The following COMMD1 variants were observed in gnomAD, a reference collection of about 807,000 sequenced individuals.
COMMD1 encodes copper metabolism domain containing 1.
COMMD1 carries 10 observed loss-of-function variants against 17.2 expected under a neutral mutation model. The ratio of observed to expected loss-of-function variants is 0.58; its 90% confidence interval spans 0.36 to 0.99. The LOEUF (loss-of-function observed/expected upper bound fraction) is 0.99. COMMD1 is among the 50% of genes least tolerant of loss of function. The pLI is 0.01. For missense variants in COMMD1, 270 were observed against 231.8 expected, an observed-to-expected ratio of 1.17 and a Z score of -1.07; for synonymous variants, 97 against 91.6, an observed-to-expected ratio of 1.06 and a Z score of -0.34.
rs1553367041 is a variant in COMMD1, at chr2:61,913,816, A to AGAG, written c.180+7958_180+7959insGAG. 1.0e-4 allele frequency among the ~76,000 whole-genome samples: 10 copies of AGAG among 100,196 alleles called. 1 individual carries two copies. The highest frequency in any genetic ancestry group is 1.9e-4 in the Non-Finnish European group (10 of 53,434). 65.7% of individuals were successfully genotyped at this position (100,196 alleles called of 152,430 possible). ...ATCTCCAAAAAAAAAAAAAAAAAAA[A>AGAG]AGAAAAGTGTGTTAACCTCTGTTCC... is the stretch of plus-strand genomic sequence containing the variant. On this transcript the variant is annotated intron_variant, in intron 1 of 2. Coordinates refer to ENST00000311832, the MANE Select transcript of COMMD1 (RefSeq NM_152516.4).
chr2:62,077,139 T>A (rs1367006215), intron 2 of COMMD1, among the ~76,000 whole-genome samples: 1 of 151,968 alleles, frequency 6.6e-6, no homozygotes, highest in Non-Finnish European at 1.5e-5. Flanking sequence ...TGAAAAAAAA[T>A]AATTATTAGA....
chr2:61,979,687 G>GT, intron 1 of COMMD1, among the ~76,000 whole-genome samples: 1 of 152,024 alleles, frequency 6.6e-6, no homozygotes, highest in South Asian at 2.1e-4. Context: ...GTGTACAAGG[G>GT]TTCCCTTTTC....
At chr2:61,994,080 G>C (rs1420299370) in intron 1 of COMMD1, among the ~76,000 whole-genome samples, 2 of 152,006 alleles carry the variant, frequency 1.3e-5, no homozygotes, top group East Asian at 3.9e-4. Flanking sequence ...TTCGCCTCCC[G>C]GGTTCAAGCG....
At chr2:62,057,898 G>A (rs148910777) in intron 2 of COMMD1, among the ~76,000 whole-genome samples, 272 of 152,026 alleles carry the variant, frequency 1.8e-3, no homozygotes, top group African/African-American at 5.8e-3. Context: ...TAATTTCATG[G>A]TTTCTTCTTG....
intron 1 of COMMD1, among the ~76,000 whole-genome samples, chr2:61,934,565 AT>A (rs1019860095): frequency 1.3e-5 from 2 of 152,050 alleles, no homozygotes; most frequent in African/African-American, 4.8e-5. Flanking sequence ...TCAAAAAAAA[AT>A]TTTTTTTATA....
At chr2:62,135,578 C>T (rs1673171428) in intron 2 of COMMD1, among the ~76,000 whole-genome samples, 1 of 152,096 alleles carries the variant, frequency 6.6e-6, no homozygotes, top group African/African-American at 2.4e-5. Context: ...GTCTCGATCT[C>T]CTGACCTTGT....
intron 1 of COMMD1, among the ~76,000 whole-genome samples, chr2:61,900,167 C>T (rs1165746351): frequency 6.6e-6 from 1 of 152,160 alleles, no homozygotes; most frequent in Non-Finnish European, 1.5e-5. Flanking sequence ...GTAAGTGGTC[C>T]TGAGGTGGTC....
At chr2:61,892,634 C>T (rs535770172) in intron 1 of COMMD1, among the ~76,000 whole-genome samples, 6 of 146,996 alleles carry the variant, frequency 4.1e-5, no homozygotes, top group East Asian at 4.0e-4. Context: ...GTGGAGGTTG[C>T]GGTGAGCCGA....
rs1668923041 is a variant in COMMD1 at position 62,000,971 on chromosome 2, A to G, written c.451A>G (p.Lys151Glu). 6.2e-7 allele frequency: 1 copy of G among 1,612,982 alleles called. No homozygotes were observed. Among genetic ancestry groups the G allele is most frequent in the Non-Finnish European group, 8.5e-7 (1 of 1,180,008 alleles). The change falls in exon 2 of 3, where the codon AAA becomes GAA. Residue 151 changes from lysine to glutamate, a missense_variant. By Grantham distance (56) the Lys-to-Glu change is moderately conservative (BLOSUM62 1). Coordinates refer to ENST00000311832, the MANE Select transcript of COMMD1 (RefSeq NM_152516.4). The part of the protein sequence containing the change: ...PVAIIELELG[K>E]YGQESEFLCL... ...TGCCATTATAGAGCTGGAATTAGGC[A>G]AATATGGACAGGTGAGTTAAACTTA...
intron 2 of COMMD1, among the ~76,000 whole-genome samples, chr2:62,079,439 A>G (rs977631529): frequency 3.3e-5 from 5 of 152,238 alleles, no homozygotes; most frequent in Admixed American, 3.3e-4. Context: ...TTGGGATATT[A>G]GGACAGTCCC....
exon 1 of COMMD1, chr2:61,888,777 G>A: frequency 4.0e-6 from 2 of 505,606 alleles, no homozygotes; most frequent in Admixed American, 7.5e-5. Flanking sequence ...GGCGCTGTGG[G>A]TGAAGAGCGC....
chr2:62,047,869 C>G (rs959324398), intron 2 of COMMD1, among the ~76,000 whole-genome samples: 2 of 152,068 alleles, frequency 1.3e-5, no homozygotes, highest in African/African-American at 4.8e-5. Flanking sequence ...AAAATACTTA[C>G]CATTGTGCTA....
chr2:61,904,071 C>T (rs1245101445), upstream of COMMD1, among the ~76,000 whole-genome samples: 5 of 152,088 alleles, frequency 3.3e-5, no homozygotes, highest in East Asian at 1.9e-4. Context: ...AGTGCAGTGG[C>T]GTGATCTCGG....
intron 2 of COMMD1, among the ~76,000 whole-genome samples, chr2:62,125,862 C>T (rs1296825359): frequency 6.6e-6 from 1 of 152,078 alleles, no homozygotes; most frequent in Non-Finnish European, 1.5e-5. Context: ...ACCTATCAAA[C>T]CATCACCTAC....
chr2:61,982,446 T>C (rs1671979762), intron 1 of COMMD1, among the ~76,000 whole-genome samples: 1 of 152,216 alleles, frequency 6.6e-6, no homozygotes, highest in South Asian at 2.1e-4. Flanking sequence ...ACAGTTTGAC[T>C]TCTTCCTTTC....
At chr2:61,979,454 G>A (rs976703085) in intron 1 of COMMD1, among the ~76,000 whole-genome samples, 1 of 152,060 alleles carries the variant, frequency 6.6e-6, no homozygotes, top group Admixed American at 6.6e-5. Context: ...TCTAGCCTGG[G>A]CAACAGAGCA....
chr2:62,123,512 TAAAAAAAAAG>T (rs1672804949), intron 2 of COMMD1, among the ~76,000 whole-genome samples: 1 of 74,660 alleles, frequency 1.3e-5, no homozygotes, highest in African/African-American at 5.8e-5. Flanking sequence ...AAAAAAAAAT[TAAAAAAAAAG>T]AAAAAAAAAA....
chr2:62,131,457 A>G (rs1673031302), intron 2 of COMMD1, among the ~76,000 whole-genome samples: 1 of 152,170 alleles, frequency 6.6e-6, no homozygotes, highest in Non-Finnish European at 1.5e-5. Context: ...TTGCTCTTGT[A>G]CCTTCTGCCT....
chr2:62,084,543 G>C (rs1671607659), intron 2 of COMMD1, among the ~76,000 whole-genome samples: 1 of 152,128 alleles, frequency 6.6e-6, no homozygotes, highest in Non-Finnish European at 1.5e-5. Flanking sequence ...AAGAAAATTT[G>C]CGTGTAAATG....
Sources: allele counts gnomAD v4.1 joint callset (sites outside exome capture counted in the v4.1 genomes callset), GRCh38; gene constraint gnomAD v4.1.1; transcripts MANE v1.5; gene names NCBI Gene and HGNC (gene_info 2026-07-23, HGNC 2026-07-21).